Variants in NCKAP1 observed in about 807,000 individuals in gnomAD.
The protein encoded by NCKAP1 is nck-associated protein 1.
NCKAP1 carries 21 observed loss-of-function variants against 151.2 expected under a neutral mutation model. That is an observed-to-expected ratio of 0.14 (90% CI 0.10 to 0.20). The LOEUF is 0.20. NCKAP1 is among the 10% of genes least tolerant of loss of function. NCKAP1 has a pLI of 1.00. For missense variants in NCKAP1, 933 were observed against 1,352.1 expected (o/e 0.69, Z 4.86); for synonymous variants, 484 against 451.8 (o/e 1.07, Z -0.90).
intron 13 of NCKAP1, 46 bp from the exon 14 acceptor site, chr2:182,978,961 A>C (rs770324698): frequency 7.4e-7 from 1 of 1,349,580 alleles, no homozygotes; most frequent in African/African-American, 1.4e-5. Flanking sequence ...TATAGTTGGG[A>C]AACAACTCAG....
intron 30 of NCKAP1, among the ~76,000 whole-genome samples, chr2:182,926,418 T>C (rs1396060571): frequency 2.6e-5 from 4 of 151,920 alleles, no homozygotes; most frequent in African/African-American, 7.2e-5. Context: ...GGTTCACAGA[T>C]ACTGCAGAGA....
At chr2:182,933,814 ATCTC>A (rs762854275) in intron 26 of NCKAP1, among the ~76,000 whole-genome samples, 4 of 152,118 alleles carry the variant, frequency 2.6e-5, no homozygotes, top group East Asian at 1.9e-4. Context: ...AACAGAAACA[ATCTC>A]TCTAAGAAAT....
At chr2:182,958,961 CATA>C (rs1180195643) in intron 18 of NCKAP1, among the ~76,000 whole-genome samples, 1 of 152,106 alleles carries the variant, frequency 6.6e-6, no homozygotes, top group African/African-American at 2.4e-5. Context: ...TACATGCTGA[CATA>C]ATAACATTTT....
chr2:182,982,418 ACTAT>A (rs916532070), intron 12 of NCKAP1, among the ~76,000 whole-genome samples: 5 of 151,998 alleles, frequency 3.3e-5, no homozygotes, highest in Non-Finnish European at 7.4e-5. Flanking sequence ...ATTTGGATGT[ACTAT>A]CTTTCTAATT....
At chr2:182,961,940 C>T (rs890930516) in intron 18 of NCKAP1, among the ~76,000 whole-genome samples, 3 of 152,188 alleles carry the variant, frequency 2.0e-5, no homozygotes, top group South Asian at 2.1e-4. Context: ...AAAAACTACA[C>T]GTGACTCCTG....
At chr2:182,985,367 G>A (rs1698032370) in intron 10 of NCKAP1, among the ~76,000 whole-genome samples, 2 of 152,196 alleles carry the variant, frequency 1.3e-5, no homozygotes, top group Admixed American at 1.3e-4. Flanking sequence ...ATGTAACAAA[G>A]TGAAATATCA....
chr2:183,012,779 ATTTTTT>A (rs58239552), intron 2 of NCKAP1, among the ~76,000 whole-genome samples: 2 of 127,858 alleles, frequency 1.6e-5, no homozygotes, highest in African/African-American at 5.7e-5. Context: ...ACACCTGGCT[ATTTTTT>A]TTTTTTTTTT....
Position 182,916,522 on chromosome 2 carries a change from C to T in NCKAP1, c.*9180G>A, listed in dbSNP as rs1696471338. 6.6e-6 allele frequency: 1 copy of T among 152,134 alleles called. No homozygotes were observed. Among genetic ancestry groups the T allele is most frequent in the Non-Finnish European group, 1.5e-5 (1 of 68,026 alleles). The allele number at this position is 152,134 out of a possible 1,614,324, so 9.4% of individuals were successfully genotyped here. ...TAATTACATTATGATTCAATATGTA[C>T]TATAATAAAGGCATTTATAAGGTTT... On this transcript the variant is annotated 3_prime_UTR_variant, in exon 31 of 31. Coordinates refer to ENST00000361354, the MANE Select transcript of NCKAP1 (RefSeq NM_013436.5).
intron 26 of NCKAP1, among the ~76,000 whole-genome samples, chr2:182,933,713 C>T (rs1278978965): frequency 6.6e-6 from 1 of 151,708 alleles, no homozygotes; most frequent in Non-Finnish European, 1.5e-5. Context: ...CCATGCCCAG[C>T]CTGAGTGGCA....
At chr2:183,012,756 T>G (rs1476906482) in intron 2 of NCKAP1, among the ~76,000 whole-genome samples, 2 of 149,974 alleles carry the variant, frequency 1.3e-5, no homozygotes, top group African/African-American at 4.9e-5. Flanking sequence ...TGGGAAAACA[T>G]GCGCACGCCA....
In NCKAP1 at chr2:182,922,999, G is replaced by C. The variant is rs550471005; in HGVS notation, c.*2703C>G. ...ATTGCCCATTTCCTGGGCAACAAGA[G>C]TGAAACTCCGTCTCAAGAAGCTGGT... On this transcript the variant is annotated 3_prime_UTR_variant, in exon 31 of 31. Coordinates refer to ENST00000361354, the MANE Select transcript of NCKAP1 (RefSeq NM_013436.5). 1 of 152,266 alleles carries C rather than the reference G, an allele frequency of 6.6e-6. No homozygotes were observed. Among genetic ancestry groups the C allele is most frequent in the South Asian group, 2.1e-4 (1 of 4,824 alleles). 9.4% of individuals were successfully genotyped at this position (152,266 alleles called of 1,614,324 possible).
chr2:182,942,254 G>T, intron 23 of NCKAP1, 91 bp from the exon 24 acceptor site: 1 of 909,996 alleles, frequency 1.1e-6, no homozygotes. Context: ...CTGGCAAGTA[G>T]GAAACACAAT....
Position 182,918,908 on chromosome 2 carries a change from C to A in NCKAP1, c.*6794G>T, listed in dbSNP as rs1374105477. 1.3e-5 allele frequency: 2 copies of A among 152,200 alleles called. No homozygotes were observed. Among genetic ancestry groups the A allele is most frequent in the East Asian group, 3.8e-4 (2 of 5,202 alleles). 9.4% of individuals were successfully genotyped at this position (152,200 alleles called of 1,614,324 possible). A position where few individuals can be genotyped will look rare whatever the true frequency, so the allele number is the denominator to read the frequency against. On this transcript the variant is annotated 3_prime_UTR_variant, in exon 31 of 31. Transcript: ENST00000361354. The stretch of plus-strand genomic sequence containing the variant: ...ACTCACATTTGAGAGATCTGAGACA[C>A]AGTTTAATGAGAAGAACACAACTCT...
intron 26 of NCKAP1, 72 bp from the exon 27 acceptor site, chr2:182,930,860 G>C: frequency 7.5e-7 from 1 of 1,328,204 alleles, no homozygotes; most frequent in Admixed American, 1.9e-5. Context: ...CTGTTTATTA[G>C]AGTCTGCCTA....
intron 23 of NCKAP1, among the ~76,000 whole-genome samples, chr2:182,951,050 C>T (rs1697204391): frequency 6.6e-6 from 1 of 151,834 alleles, no homozygotes; most frequent in African/African-American, 2.4e-5. Context: ...CCAGGCTGGT[C>T]TTGAACTCCT....
intron 2 of NCKAP1, among the ~76,000 whole-genome samples, chr2:183,004,884 C>CA (rs71008253): frequency 0.98 from 133,196 of 136,468 alleles, 65,010 homozygotes; most frequent in East Asian, 0.99. Flanking sequence ...GACTCCATCT[C>CA]AAAAAAAAAA....
intron 27 of NCKAP1, among the ~76,000 whole-genome samples, chr2:182,929,185 T>C (rs545780304): frequency 1.1e-4 from 16 of 151,862 alleles, no homozygotes; most frequent in Non-Finnish European, 1.8e-4. Flanking sequence ...TGTAAGATTA[T>C]AGAACAAAAA....
Position 182,956,261 on chromosome 2 carries a change from C to T in NCKAP1, c.2153+201G>A, listed in dbSNP as rs552399161. The stretch of plus-strand genomic sequence containing the variant: ...TTCACTGTGTTAGCCAGGATGGTCT[C>T]GATCTCCTGACCTCGTGATCTGCCC... On this transcript the variant is annotated intron_variant, in intron 20 of 30. Coordinates refer to ENST00000361354, the MANE Select transcript of NCKAP1 (RefSeq NM_013436.5). Among the ~76,000 whole-genome samples the T allele has an allele frequency of 2.0e-5, 3 of 152,202 alleles. No homozygotes were observed. In the South Asian group the frequency reaches 6.2e-4, roughly 32 times the overall value.
intron 24 of NCKAP1, among the ~76,000 whole-genome samples, chr2:182,940,979 T>C (rs961512050): frequency 1.3e-5 from 2 of 152,242 alleles, no homozygotes; most frequent in African/African-American, 4.8e-5. Context: ...CCTAATAAAG[T>C]GATTCTCTAA....
Sources: allele counts gnomAD v4.1 joint callset (sites outside exome capture counted in the v4.1 genomes callset), GRCh38; gene constraint gnomAD v4.1.1; transcripts MANE v1.5; gene names NCBI Gene and HGNC (gene_info 2026-07-23, HGNC 2026-07-21).